Variants in KDM7A observed in about 807,000 individuals in gnomAD.
KDM7A encodes the protein lysine-specific demethylase 7A.
KDM7A carries 28 observed loss-of-function variants against 114.8 expected under a neutral mutation model. That is an observed-to-expected ratio of 0.24 (90% CI 0.18 to 0.33). The LOEUF is 0.33. Among genes scored for constraint, KDM7A ranks in the 10% least tolerant of loss-of-function variants. The pLI, the probability that KDM7A is intolerant of heterozygous loss-of-function variation, is 1.00. For synonymous variants in KDM7A, 423 were observed against 397.8 expected, an observed-to-expected ratio of 1.06 and a Z score of -0.75; for missense variants, 942 against 1,142.5, an observed-to-expected ratio of 0.82 and a Z score of 2.53.
intron 11 of KDM7A, among the ~76,000 whole-genome samples, chr7:140,108,835 C>A (rs545925565): frequency 1.3e-5 from 2 of 152,294 alleles, no homozygotes; most frequent in South Asian, 4.1e-4. Flanking sequence ...GAAGTTTCTG[C>A]TGCCTTTTGT....
chr7:140,175,156 A>G (rs1322814584), intron 1 of KDM7A, among the ~76,000 whole-genome samples: 3 of 152,230 alleles, frequency 2.0e-5, no homozygotes, highest in South Asian at 2.1e-4. Context: ...TTTTAAAGTG[A>G]TAATTTACTG....
intron 13 of KDM7A, 110 bp from the exon 14 acceptor site, chr7:140,099,143 C>A: frequency 1.2e-6 from 1 of 858,376 alleles, no homozygotes; most frequent in East Asian, 2.5e-5. Context: ...AGACACTGTC[C>A]CCATATTTCA....
intron 17 of KDM7A, 28 bp downstream of exon 17, chr7:140,096,527 T>G (rs1399939280): frequency 6.4e-7 from 1 of 1,567,358 alleles, no homozygotes; most frequent in Non-Finnish European, 8.8e-7. Flanking sequence ...ATGTTACTTT[T>G]TAGAGACTGA....
Position 140,096,779 on chromosome 7 carries a change from T to C in KDM7A, c.2166-16A>G, listed in dbSNP as rs1585137332. ...AGGACATTCCCTAAAGAAGAGATGATCCAAAAACACAAGAGTCTATTTTTT... is the reference window on the plus strand; with the variant it reads ...AGGACATTCCCTAAAGAAGAGATGACCCAAAAACACAAGAGTCTATTTTTT... On this transcript the variant is annotated splice_polypyrimidine_tract_variant and intron_variant, in intron 16 of 19. Transcript: ENST00000397560. 6.2e-7 allele frequency: 1 copy of C among 1,607,074 alleles called. No individual in the cohort carries two copies. The highest frequency in any genetic ancestry group is 1.1e-5 in the South Asian group (1 of 89,800).
In KDM7A at chr7:140,105,559, T is replaced by C. The variant is rs1818322222; in HGVS notation, c.1429-3399A>G. Among the ~76,000 whole-genome samples, 4 of 152,358 alleles carry C rather than the reference T, an allele frequency of 2.6e-5. No individual in the cohort carries two copies. The South Asian group carries it at 6.2e-4, about 24-fold the overall frequency. On this transcript the variant is annotated intron_variant, in intron 11 of 19. Coordinates refer to ENST00000397560, the MANE Select transcript of KDM7A (RefSeq NM_030647.2). ...TATTGAGATAATCATGTGGTTTTTG[T>C]CTTCGGTTCTGTTTATATGATGGAT...
chr7:140,136,006 C>A (rs1281982756), intron 2 of KDM7A, among the ~76,000 whole-genome samples: 1 of 152,118 alleles, frequency 6.6e-6, no homozygotes, highest in Non-Finnish European at 1.5e-5. Flanking sequence ...GTCACCCAGG[C>A]TGGAGTACAG....
intron 1 of KDM7A, among the ~76,000 whole-genome samples, chr7:140,151,790 A>T (rs746240109): frequency 5.3e-5 from 8 of 152,258 alleles, no homozygotes; most frequent in Non-Finnish European, 1.0e-4. Flanking sequence ...AATAAATAGG[A>T]TCTTTAAAAG....
chr7:140,122,324 A>T (rs1300300461), intron 7 of KDM7A, among the ~76,000 whole-genome samples: 3 of 151,264 alleles, frequency 2.0e-5, no homozygotes, highest in Admixed American at 1.3e-4. Context: ...AAATCAATTT[A>T]AAAAATTATT....
rs948571836 is a variant in KDM7A, at chr7:140,097,142, C to T, written c.2017-95G>A. The T allele has an allele frequency of 4.7e-6, 4 of 858,978 alleles. No homozygotes were observed. The South Asian group carries it at 7.4e-5, about 16-fold the overall frequency. 53.2% of individuals were successfully genotyped at this position (858,978 alleles called of 1,614,324 possible). The stretch of plus-strand genomic sequence containing the variant: ...AAGATTTTATACATCTAGAGAAAGT[C>T]AGAATCTTAATTATCAGGGAATTAT... On this transcript the variant is annotated intron_variant, in intron 15 of 19. Coordinates refer to ENST00000397560, the MANE Select transcript of KDM7A (RefSeq NM_030647.2).
At chr7:140,113,105 C>A (rs1818459069) in intron 10 of KDM7A, among the ~76,000 whole-genome samples, 1 of 152,130 alleles carries the variant, frequency 6.6e-6, no homozygotes, top group Admixed American at 6.5e-5. Context: ...AATGGTGGTA[C>A]CAACAGCACC....
rs142400734 is a variant in KDM7A at position 140,138,951 on chromosome 7, C to T, written c.280+154G>A. Among the ~76,000 whole-genome samples, 8 of 152,202 alleles carry T rather than the reference C, an allele frequency of 5.3e-5. 1 individual carries two copies. The highest frequency in any genetic ancestry group is 1.7e-4 in the African/African-American group (7 of 41,534). ...TTCTGACTTAATGAAACAAAAACTA[C>T]ATCCTAAATACCTTGAGCAAAATCT... On this transcript the variant is annotated intron_variant, in intron 2 of 19. Coordinates refer to ENST00000397560, the MANE Select transcript of KDM7A (RefSeq NM_030647.2).
chr7:140,142,382 G>A (rs1794293725), intron 1 of KDM7A, among the ~76,000 whole-genome samples: 1 of 148,086 alleles, frequency 6.8e-6, no homozygotes, highest in African/African-American at 2.5e-5. Context: ...GCCACCAAAG[G>A]AATTATACCC....
chr7:140,113,543 A>G lies in KDM7A; in HGVS notation c.1286T>C (p.Val429Ala). ...EDGFQPQTYLVQGVKALHTAL... is the reference protein window; with the variant it reads ...EDGFQPQTYLAQGVKALHTAL... The stretch of plus-strand genomic sequence containing the variant: ...AGTATGCAGTGCTTTCACTCCCTGT[A>G]CTAGGTAAGTTTGAGGCTGGAAACC... The change falls in exon 10 of 20, where the codon GTA becomes GCA. Residue 429 changes from valine (V) to alanine (A), a missense_variant. Around this residue, in one of 4 missense-constraint regions of KDM7A, gnomAD observed 318 missense variants for 453.1 expected, o/e 0.70. Coordinates refer to ENST00000397560, the MANE Select transcript of KDM7A (RefSeq NM_030647.2). 5 of 1,608,184 alleles carry G rather than the reference A, an allele frequency of 3.1e-6. No individual in the cohort carries two copies. The highest frequency in any genetic ancestry group is 4.3e-6 in the Non-Finnish European group (5 of 1,175,668).
intron 9 of KDM7A, 147 bp downstream of exon 9, chr7:140,118,966 G>C (rs1293891835): frequency 1.3e-5 from 7 of 523,704 alleles, no homozygotes; most frequent in Non-Finnish European, 2.4e-5. Context: ...AAGGTTGCTG[G>C]ATGGGGGAAA....
At chr7:140,166,324 A>G (rs894310014) in intron 1 of KDM7A, among the ~76,000 whole-genome samples, 2 of 149,128 alleles carry the variant, frequency 1.3e-5, no homozygotes, top group Admixed American at 1.3e-4. Flanking sequence ...ATTGAGGAAT[A>G]CTTTTTTTTC....
chr7:140,156,039 C>T (rs1794454274), intron 1 of KDM7A, among the ~76,000 whole-genome samples: 1 of 152,172 alleles, frequency 6.6e-6, no homozygotes, highest in African/African-American at 2.4e-5. Flanking sequence ...CACTTCGTTG[C>T]AACAGTTTTC....
Position 140,114,972 on chromosome 7 carries a change from C to T in KDM7A, c.1247-1390G>A, listed in dbSNP as rs953534795. Reference sequence around the variant, plus strand: ...CTGATAACTGAGGAGCCCCTCCGCCCGGCAGCCGCCCCATCCGGGAAGTGA... The same window carrying T: ...CTGATAACTGAGGAGCCCCTCCGCCTGGCAGCCGCCCCATCCGGGAAGTGA... On this transcript the variant is annotated intron_variant, in intron 9 of 19. Transcript: ENST00000397560. Among the ~76,000 whole-genome samples the T allele has an allele frequency of 6.2e-4, 94 of 151,752 alleles. 1 individual carries two copies. Among genetic ancestry groups the T allele is most frequent in the African/African-American group, 2.2e-3 (92 of 41,278 alleles).
chr7:140,140,308 A>T (rs145418895), intron 1 of KDM7A, among the ~76,000 whole-genome samples: 21 of 152,370 alleles, frequency 1.4e-4, no homozygotes, highest in African/African-American at 4.8e-4. Flanking sequence ...GAAAAATATC[A>T]TATGACCATT....
At chr7:140,103,064 G>A (rs1048359447) in intron 11 of KDM7A, among the ~76,000 whole-genome samples, 12 of 151,884 alleles carry the variant, frequency 7.9e-5, no homozygotes, top group African/African-American at 2.7e-4. Context: ...CATCCATCTC[G>A]AGAAGCTTCT....
Sources: allele counts gnomAD v4.1 joint callset (sites outside exome capture counted in the v4.1 genomes callset), GRCh38; gene constraint gnomAD v4.1.1; regional missense constraint gnomAD v4.1.1; transcripts MANE v1.5; gene names NCBI Gene and HGNC (gene_info 2026-07-23, HGNC 2026-07-21).